ZNF486: variants seen among roughly 807,000 people sequenced by gnomAD.
ZNF486 encodes KRAB box only protein 2.
A neutral mutation model predicts 12.8 loss-of-function variants in ZNF486; 12 were observed. That is an observed-to-expected ratio of 0.94 (90% confidence interval 0.60 to 1.52). The LOEUF (loss-of-function observed/expected upper bound fraction) is 1.52. Among genes scored for constraint, ZNF486 ranks in the 40% most tolerant of loss-of-function variants. ZNF486 has a pLI of 0.00. For synonymous variants in ZNF486, 231 were observed against 184.9 expected, an observed-to-expected ratio of 1.25 and a Z score of -2.02; for missense variants, 738 against 545.0, an observed-to-expected ratio of 1.35 and a Z score of -3.53.
chr19:20,184,981 T>G (rs1410277283), intron 2 of ZNF486, among the ~76,000 whole-genome samples: 1 of 152,040 alleles, frequency 6.6e-6, no homozygotes, highest in Non-Finnish European at 1.5e-5. Flanking sequence ...TATGGTGGCA[T>G]AGTCCTGTAA....
chr19:20,197,724 TAAACATGAG>T lies in ZNF486; in HGVS notation c.1017_1025del (p.His340_Lys342del). On this transcript the variant is annotated inframe_deletion, in exon 4 of 4. Coordinates refer to ENST00000335117, the MANE Select transcript of ZNF486 (RefSeq NM_052852.4). Reference sequence around the variant, plus strand: ...CCTTTATTTCATCCTCGATCCTTAGTAAACATGAGAAGATTCATACGGGAGAGAAACCCT... The same window carrying T: ...CCTTTATTTCATCCTCGATCCTTAGTAAGATTCATACGGGAGAGAAACCCT... 1.2e-6 allele frequency: 2 copies of T among 1,613,898 alleles called. No individual in the cohort carries two copies. Among genetic ancestry groups the T allele is most frequent in the Non-Finnish European group, 1.7e-6 (2 of 1,179,930 alleles).
At chr19:20,195,278 C>A (rs1023493681) in intron 3 of ZNF486, among the ~76,000 whole-genome samples, 1 of 152,218 alleles carries the variant, frequency 6.6e-6, no homozygotes, top group East Asian at 1.9e-4. Context: ...AAGCAATTCT[C>A]CTGTGTCAGC....
chr19:20,170,755 G>C (rs880002501), intron 1 of ZNF486, among the ~76,000 whole-genome samples: 2 of 152,172 alleles, frequency 1.3e-5, no homozygotes, highest in African/African-American at 2.4e-5. Flanking sequence ...ACAACAAATG[G>C]AGAATTTTAT....
intron 1 of ZNF486, among the ~76,000 whole-genome samples, chr19:20,170,356 ACACCTGAGGT>A (rs2089636038): frequency 6.6e-6 from 1 of 151,826 alleles, no homozygotes; most frequent in Non-Finnish European, 1.5e-5. Context: ...GGCAGGCCGA[ACACCTGAGGT>A]CACAGCCTGG....
chr19:20,172,564 G>T (rs1033396270), intron 1 of ZNF486, among the ~76,000 whole-genome samples: 3 of 152,040 alleles, frequency 2.0e-5, no homozygotes, highest in Middle Eastern at 3.2e-3. Flanking sequence ...TTTCCAAAGT[G>T]CTGGGATTAC....
intron 3 of ZNF486, among the ~76,000 whole-genome samples, chr19:20,192,534 C>A (rs1469947283): frequency 1.3e-5 from 2 of 152,194 alleles, no homozygotes; most frequent in South Asian, 4.1e-4. Context: ...TCTTAAACTT[C>A]TGACCTCAGG....
chr19:20,191,645 CT>C, intron 3 of ZNF486, among the ~76,000 whole-genome samples: 1 of 150,922 alleles, frequency 6.6e-6, no homozygotes. Flanking sequence ...TGGTGGGCGC[CT>C]GTAGTCCCAG....
At chr19:20,194,918 T>G (rs1555717675) in intron 3 of ZNF486, among the ~76,000 whole-genome samples, 2 of 152,270 alleles carry the variant, frequency 1.3e-5, no homozygotes, top group East Asian at 3.9e-4. Flanking sequence ...ACATCATATT[T>G]TCTTTTAATA....
intron 1 of ZNF486, among the ~76,000 whole-genome samples, chr19:20,183,706 T>A (rs1261510322): frequency 6.6e-6 from 1 of 152,206 alleles, no homozygotes; most frequent in African/African-American, 2.4e-5. Context: ...CATTATTATG[T>A]TTATGCAGCT....
rs1467744629 is a variant in ZNF486 at position 20,198,533 on chromosome 19, A to AT, written c.*437dup. On this transcript the variant is annotated 3_prime_UTR_variant, in exon 4 of 4. Coordinates refer to ENST00000335117, the MANE Select transcript of ZNF486 (RefSeq NM_052852.4). ...TTCTTTTATTTTTATTTGTTTATTT[A>AT]TTTTTTGAGATGCAGTTTCACTCTT... The AT allele has an allele frequency of 1.7e-5, 3 of 176,258 alleles. No individual in the cohort carries two copies. Among genetic ancestry groups the AT allele is most frequent in the South Asian group, 2.4e-4 (2 of 8,182 alleles). The allele number at this position is 176,258 out of a possible 1,614,324, so 10.9% of individuals were successfully genotyped here. A position where few individuals can be genotyped will look rare whatever the true frequency, so the allele number is the denominator to read the frequency against.
At chr19:20,182,127 G>C (rs1189212093) in intron 1 of ZNF486, among the ~76,000 whole-genome samples, 11 of 152,172 alleles carry the variant, frequency 7.2e-5, no homozygotes, top group Admixed American at 5.9e-4. Flanking sequence ...AGAAGTATTT[G>C]GTTGTGAAAA....
intron 1 of ZNF486, among the ~76,000 whole-genome samples, chr19:20,170,003 G>T (rs2122621627): frequency 6.7e-6 from 1 of 148,962 alleles, no homozygotes; most frequent in South Asian, 2.1e-4. Context: ...CCATTCTCCT[G>T]CCTCAGCCTC....
At chr19:20,192,520 C>G (rs913176075) in intron 3 of ZNF486, among the ~76,000 whole-genome samples, 17 of 152,126 alleles carry the variant, frequency 1.1e-4, no homozygotes, top group Admixed American at 2.6e-4. Flanking sequence ...GATGGCCAGG[C>G]TTGTCTTAAA....
intron 1 of ZNF486, 138 bp from the exon 2 acceptor site, chr19:20,184,218 A>T: frequency 7.6e-7 from 1 of 1,312,682 alleles, no homozygotes; most frequent in African/African-American, 1.5e-5. Flanking sequence ...ATATTTCTGT[A>T]TTGAAAATTA....
intron 3 of ZNF486, among the ~76,000 whole-genome samples, chr19:20,190,663 G>A (rs1568325136): frequency 6.6e-6 from 1 of 152,160 alleles, no homozygotes; most frequent in Non-Finnish European, 1.5e-5. Context: ...AGGGTTATAG[G>A]CAAGAGCCAC....
In ZNF486 at chr19:20,196,796, G is replaced by T. The variant is rs1555718016; in HGVS notation, c.254-168G>T. Among the ~76,000 whole-genome samples the T allele has an allele frequency of 1.3e-5, 2 of 151,780 alleles. No homozygotes were observed. The highest frequency in any genetic ancestry group is 3.9e-4 in the East Asian group (2 of 5,194). On this transcript the variant is annotated intron_variant, in intron 3 of 3. Transcript: ENST00000335117. ...ATAAATTTTTTACAAATGTATTTTG[G>T]TCAGTATGTTTTTGTTACCTTTATA...
At chr19:20,180,745 T>A (rs2089775842) in intron 1 of ZNF486, among the ~76,000 whole-genome samples, 1 of 152,162 alleles carries the variant, frequency 6.6e-6, no homozygotes, top group Non-Finnish European at 1.5e-5. Flanking sequence ...AGGCTGGTCT[T>A]GAACTCCTGA....
intron 3 of ZNF486, among the ~76,000 whole-genome samples, chr19:20,195,431 G>A (rs2122684077): frequency 6.6e-6 from 1 of 152,278 alleles, no homozygotes; most frequent in African/African-American, 2.4e-5. Flanking sequence ...ATCTTCCAGT[G>A]TGTTGGGATT....
intron 3 of ZNF486, among the ~76,000 whole-genome samples, chr19:20,189,536 G>A (rs1469787576): frequency 7.2e-5 from 11 of 152,036 alleles, no homozygotes; most frequent in Admixed American, 5.9e-4. Context: ...CCATTCTAAT[G>A]GATATGAGGT....
Sources: allele counts gnomAD v4.1 joint callset (sites outside exome capture counted in the v4.1 genomes callset), GRCh38; gene constraint gnomAD v4.1.1; transcripts MANE v1.5; gene names NCBI Gene and HGNC (gene_info 2026-07-23, HGNC 2026-07-21).